FRMD4A: variants seen among roughly 807,000 people sequenced by gnomAD.
FRMD4A encodes FERM domain containing 4A, also known as FERM domain-containing protein 4A.
A neutral mutation model predicts 129.1 loss-of-function variants in FRMD4A; 29 were observed. That is an observed-to-expected ratio of 0.22 (90% CI 0.17 to 0.31). The LOEUF is 0.31. FRMD4A is among the 10% of genes least tolerant of loss of function. The pLI, the probability that FRMD4A is intolerant of heterozygous loss-of-function variation, is 1.00. For synonymous variants in FRMD4A, 634 were observed against 571.6 expected (o/e 1.11, Z -1.56); for missense variants, 1,272 against 1,375.8 (o/e 0.92, Z 1.19).
chr10:14,065,603 C>T (rs1835019514), intron 2 of FRMD4A, among the ~76,000 whole-genome samples: 1 of 152,142 alleles, frequency 6.6e-6, no homozygotes, highest in Non-Finnish European at 1.5e-5. Flanking sequence ...CTCACTCAAG[C>T]CCTGAAAACT....
chr10:14,119,003 A>T (rs973416660), intron 2 of FRMD4A, among the ~76,000 whole-genome samples: 1 of 152,150 alleles, frequency 6.6e-6, no homozygotes, highest in African/African-American at 2.4e-5. Context: ...TCCAGGGATG[A>T]GCTAAGAACC....
chr10:14,309,563 T>C (rs1326495889), intron 2 of FRMD4A, among the ~76,000 whole-genome samples: 2 of 152,186 alleles, frequency 1.3e-5, no homozygotes, highest in Non-Finnish European at 2.9e-5. Flanking sequence ...GGATTTTATA[T>C]AAACTTCCAA....
chr10:14,254,797 G>GA (rs994080604), intron 2 of FRMD4A, among the ~76,000 whole-genome samples: 2 of 151,050 alleles, frequency 1.3e-5, no homozygotes, highest in Admixed American at 6.6e-5. Flanking sequence ...TAATAAAATC[G>GA]AAAAAAAATA....
In FRMD4A at chr10:13,670,485, C is replaced by G. The variant is rs758664882; in HGVS notation, c.1295G>C (p.Gly432Ala). The change falls in exon 17 of 25, where the codon GGG becomes GCG. Residue 432 changes from glycine to alanine, a missense_variant. Around this residue, in one of 2 missense-constraint regions of FRMD4A, gnomAD observed 972 missense variants for 892.3 expected, o/e 1.09. Coordinates refer to ENST00000357447, the MANE Select transcript of FRMD4A (RefSeq NM_018027.5). ...TCTCCGAACAATGGGTGGTTCCTCCCCTGGATCCAGGGGATATTCTACTGG... is the reference window on the plus strand; with the variant it reads ...TCTCCGAACAATGGGTGGTTCCTCCGCTGGATCCAGGGGATATTCTACTGG... ...KLPVEYPLDPGEEPPIVRRRI... is the reference protein window; with the variant it reads ...KLPVEYPLDPAEEPPIVRRRI... 1.2e-5 allele frequency: 20 copies of G among 1,613,290 alleles called. No individual in the cohort carries two copies. In the Admixed American group the frequency reaches 3.2e-4, roughly 26 times the overall value.
Position 13,663,436 on chromosome 10 carries a change from G to T in FRMD4A, c.1660+17C>A. The T allele has an allele frequency of 1.5e-6, 2 of 1,318,232 alleles. No individual in the cohort carries two copies. The highest frequency in any genetic ancestry group is 2.2e-6 in the Non-Finnish European group (2 of 909,260). 81.7% of individuals were successfully genotyped at this position (1,318,232 alleles called of 1,614,324 possible). On this transcript the variant is annotated intron_variant, in intron 19 of 24. Transcript: ENST00000357447. ...CTCTGAGCTGTAGGTTTGTAAGCAG[G>T]AAATGCATAAACCTACCATCCTCAA... is the stretch of plus-strand genomic sequence containing the variant.
Position 13,835,376 on chromosome 10 carries a change from A to G in FRMD4A, c.111+23471T>C, listed in dbSNP as rs547493598. 3.5e-4 allele frequency among the ~76,000 whole-genome samples: 53 copies of G among 152,372 alleles called. 3 individuals are homozygous for G. In the South Asian group the frequency reaches 0.011, roughly 32 times the overall value. On this transcript the variant is annotated intron_variant, in intron 3 of 24. Coordinates refer to ENST00000357447, the MANE Select transcript of FRMD4A (RefSeq NM_018027.5). The stretch of plus-strand genomic sequence containing the variant: ...TTTATATGTGGTTATATACCTTTAC[A>G]TATAGTTCTATAGTCCTTATATATT...
At chr10:14,076,569 G>A (rs1010870900) in intron 2 of FRMD4A, among the ~76,000 whole-genome samples, 2 of 152,124 alleles carry the variant, frequency 1.3e-5, no homozygotes, top group African/African-American at 4.8e-5. Context: ...GAACCCGGGA[G>A]GCAGAGCTTG....
At position 13,688,311 on chromosome 10, in the gene FRMD4A, G is replaced by A. The variant is rs901070439; in HGVS notation, c.1117+5587C>T. On this transcript the variant is annotated intron_variant, in intron 15 of 24. Transcript: ENST00000357447. ...TAGCAAGCACAAAAAACCAAACACC[G>A]CATGTTCTCACTCATAGGTGGGAAT... is the stretch of plus-strand genomic sequence containing the variant. Among the ~76,000 whole-genome samples the A allele has an allele frequency of 6.6e-5, 10 of 152,024 alleles. No individual in the cohort carries two copies. The South Asian group carries it at 1.2e-3, about 19-fold the overall frequency.
chr10:13,830,061 T>G (rs2093765411), intron 3 of FRMD4A, among the ~76,000 whole-genome samples: 1 of 152,224 alleles, frequency 6.6e-6, no homozygotes, highest in African/African-American at 2.4e-5. Context: ...TCTCTCTCTC[T>G]CTTCCTTTCT....
intron 2 of FRMD4A, among the ~76,000 whole-genome samples, chr10:14,039,407 C>CATCTATCTATCTATCTATCTATCTATCT (rs1265069563): frequency 6.2e-4 from 91 of 147,806 alleles, no homozygotes; most frequent in African/African-American, 2.2e-3. Context: ...TCCATCCATC[C>CATCTATCTATCTATCTATCTATCTATCT]ATCTATCTAT....
chr10:13,790,861 G>A (rs1215672545), intron 5 of FRMD4A, among the ~76,000 whole-genome samples: 3 of 152,118 alleles, frequency 2.0e-5, no homozygotes, highest in Non-Finnish European at 4.4e-5. Flanking sequence ...GCATCACAGA[G>A]GACGTTTTCT....
intron 2 of FRMD4A, among the ~76,000 whole-genome samples, chr10:13,971,432 T>C (rs1157265880): frequency 6.6e-6 from 1 of 152,178 alleles, no homozygotes; most frequent in Non-Finnish European, 1.5e-5. Context: ...CCGGTGGCTT[T>C]GAAAGCTGAA....
chr10:14,063,364 G>A (rs1428496082), intron 2 of FRMD4A, among the ~76,000 whole-genome samples: 4 of 151,988 alleles, frequency 2.6e-5, no homozygotes, highest in Non-Finnish European at 2.9e-5. Flanking sequence ...TTGGCTCATC[G>A]AAATGAGCCA....
intron 2 of FRMD4A, among the ~76,000 whole-genome samples, chr10:13,898,424 G>T (rs1014055451): frequency 6.6e-6 from 1 of 152,184 alleles, no homozygotes; most frequent in African/African-American, 2.4e-5. Context: ...AGAGGTCCAA[G>T]GTGGCCTGAG....
intron 2 of FRMD4A, among the ~76,000 whole-genome samples, chr10:14,095,624 A>G (rs941034294): frequency 1.3e-5 from 2 of 152,264 alleles, no homozygotes; most frequent in Admixed American, 1.3e-4. Context: ...AGTGTTGCTC[A>G]CTGCATCCAT....
intron 2 of FRMD4A, among the ~76,000 whole-genome samples, chr10:13,863,941 G>T (rs563596823): frequency 6.6e-6 from 1 of 152,112 alleles, no homozygotes; most frequent in Non-Finnish European, 1.5e-5. Flanking sequence ...ACAGGGACAC[G>T]GAAAGTAATA....
chr10:13,765,114 GTTTTTTTTTTTTTT>G (rs1202429085), intron 6 of FRMD4A, among the ~76,000 whole-genome samples: 1 of 105,502 alleles, frequency 9.5e-6, no homozygotes, highest in Admixed American at 1.1e-4. Context: ...TTTTTTTTTT[GTTTTTTTTTTTTTT>G]TTTGAGACGG....
At chr10:13,908,365 C>T (rs1037207919) in intron 2 of FRMD4A, among the ~76,000 whole-genome samples, 8 of 152,184 alleles carry the variant, frequency 5.3e-5, no homozygotes, top group African/African-American at 1.9e-4. Flanking sequence ...AGGTCTCTAG[C>T]ATTCCCTATT....
chr10:14,173,598 A>C (rs1364383825), intron 2 of FRMD4A, among the ~76,000 whole-genome samples: 3 of 151,858 alleles, frequency 2.0e-5, no homozygotes, highest in African/African-American at 7.3e-5. Flanking sequence ...AGGCTATTTC[A>C]AGTGGGAGCT....
Sources: gnomAD v4.1 joint callset for allele counts (sites outside exome capture counted in the v4.1 genomes callset) on GRCh38, gnomAD v4.1.1 for gene constraint, gnomAD v4.1.1 regional missense constraint, MANE v1.5 for transcripts, NCBI Gene and HGNC (gene_info 2026-07-23, HGNC 2026-07-21) for gene names.